C15orf40: variants seen among roughly 807,000 people sequenced by gnomAD.
C15orf40 encodes UPF0235 protein C15orf40.
In C15orf40, 9 loss-of-function variants were observed where a neutral mutation model predicts 13.9. The observed-to-expected ratio is 0.65, with a 90% CI of 0.39 to 1.13. The LOEUF (loss-of-function observed/expected upper bound fraction) is 1.13. Ranked by LOEUF, C15orf40 falls within the 50% of genes most tolerant of loss-of-function variation. The probability of loss-of-function intolerance (pLI) is 0.01; values close to 1 mark genes in which losing one functional copy is unlikely to be tolerated. For synonymous variants in C15orf40, 95 were observed against 69.2 expected (o/e 1.37, Z -1.85); for missense variants, 225 against 188.5 (o/e 1.19, Z -1.13).
chr15:83,004,675 T>C lies in C15orf40; in HGVS notation c.*922A>G, dbSNP rs1008548380. The C allele has an allele frequency of 4.3e-5, 39 of 912,094 alleles. No homozygotes were observed. The highest frequency in any genetic ancestry group is 4.9e-5 in the Non-Finnish European group (37 of 760,664). 56.5% of individuals were successfully genotyped at this position (912,094 alleles called of 1,614,324 possible). ...ATAATTCACATTTAATTACAAGTCA[T>C]GATTTTTCTTTACTTTTTCAACAAA... On this transcript the variant is annotated 3_prime_UTR_variant, in exon 4 of 4. Transcript: ENST00000304177.
Position 83,005,480 on chromosome 15 carries a change from C to T in C15orf40, c.*117G>A, listed in dbSNP as rs1025569022. 7 of 921,298 alleles carry T rather than the reference C, an allele frequency of 7.6e-6. No individual in the cohort carries two copies. The South Asian group carries it at 8.5e-5, about 11-fold the overall frequency. 57.1% of individuals were successfully genotyped at this position (921,298 alleles called of 1,614,324 possible). A position where few individuals can be genotyped will look rare whatever the true frequency, so the allele number is the denominator to read the frequency against. Reference sequence around the variant, plus strand: ...TGTATTTTTCGTAGAGATGGGGTTTCACCATGTTGGTCAGGCTGGTCTCGA... The same window carrying T: ...TGTATTTTTCGTAGAGATGGGGTTTTACCATGTTGGTCAGGCTGGTCTCGA... On this transcript the variant is annotated 3_prime_UTR_variant, in exon 4 of 4. Coordinates refer to ENST00000304177, the MANE Select transcript of C15orf40 (RefSeq NM_144597.3).
At chr15:82,994,611 G>A (rs1050899285), downstream of C15orf40, among the ~76,000 whole-genome samples, 10 of 152,080 alleles carry the variant, frequency 6.6e-5, no homozygotes, top group Admixed American at 6.6e-5. Flanking sequence ...TTAGTTAGCT[G>A]GAAATGTTAG....
rs1026220951 is a variant in C15orf40 at position 82,996,437 on chromosome 15, G to A, written c.*9160C>T. ...AGGCGGATCACGAGGTCAGGAGATC[G>A]AGACCATTCTGGCTAACACGGTGAA... On this transcript the variant is annotated 3_prime_UTR_variant, in exon 4 of 4. Transcript: ENST00000304177. The A allele has an allele frequency of 5.3e-5, 8 of 151,936 alleles. No individual in the cohort carries two copies. The highest frequency in any genetic ancestry group is 4.2e-4 in the South Asian group (2 of 4,802). The allele number at this position is 151,936 out of a possible 1,614,324, so 9.4% of individuals were successfully genotyped here.
At position 83,011,592 on chromosome 15, in the gene C15orf40, T is replaced by G. The variant is rs777862150; in HGVS notation, c.16A>C (p.Ser6Arg). 1.3e-6 allele frequency: 2 copies of G among 1,589,548 alleles called. No individual in the cohort carries two copies. The highest frequency in any genetic ancestry group is 1.4e-5 in the African/African-American group (1 of 73,908). Residue 6 changes from serine (S) to arginine (R), a missense_variant, in exon 1 of 4, where the codon AGC (serine) becomes CGC (arginine). Coordinates refer to ENST00000304177, the MANE Select transcript of C15orf40 (RefSeq NM_144597.3). ...GTTGCCCGAAGGTGCCTCAGCCCGC[T>G]GCGGAGCCGCAGCATCCCCGCCTGG... is the stretch of plus-strand genomic sequence containing the variant. MLRLR[S>R]GLRHLRATPN...
chr15:83,008,615 T>G lies in C15orf40; in HGVS notation c.299A>C (p.Asn100Thr). 1 of 1,614,014 alleles carries G rather than the reference T, an allele frequency of 6.2e-7. No individual in the cohort carries two copies. The highest frequency in any genetic ancestry group is 8.5e-7 in the Non-Finnish European group (1 of 1,179,964). Residue 100 changes from asparagine to threonine, a missense_variant, in exon 3 of 4, where the codon AAT (asparagine) becomes ACT (threonine). By Grantham distance (65) the Asn-to-Thr change is moderately conservative. Coordinates refer to ENST00000304177, the MANE Select transcript of C15orf40 (RefSeq NM_144597.3). Reference sequence around the variant, plus strand: ...GGAAAGATACCGACAGAGCTCAGCATTAGCCTCTCCCTCTGATGGAGGTGC... The same window carrying G: ...GGAAAGATACCGACAGAGCTCAGCAGTAGCCTCTCCCTCTGATGGAGGTGC... The part of the protein sequence containing the change: ...IAAPPSEGEA[N>T]AELCRYLSKV...
At chr15:82,991,568 G>A (rs930144995), downstream of C15orf40, among the ~76,000 whole-genome samples, 3 of 151,998 alleles carry the variant, frequency 2.0e-5, no homozygotes, top group Non-Finnish European at 2.9e-5. Context: ...GGGCATCTTC[G>A]TAAACCTATT....
Position 83,000,729 on chromosome 15 carries a change from T to C in C15orf40, c.*4868A>G, listed in dbSNP as rs1008303431. ...ATACTCTGCATTACAGCTAAAGAAC[T>C]ATGTAACCAAATCCCTGGAATCTAG... On this transcript the variant is annotated 3_prime_UTR_variant, in exon 4 of 4. Transcript: ENST00000304177. 1 of 152,222 alleles carries C rather than the reference T, an allele frequency of 6.6e-6. No individual in the cohort carries two copies. The highest frequency in any genetic ancestry group is 1.5e-5 in the Non-Finnish European group (1 of 68,050). 9.4% of individuals were successfully genotyped at this position (152,222 alleles called of 1,614,324 possible).
chr15:82,990,121 G>C, downstream of C15orf40: 1 of 804,272 alleles, frequency 1.2e-6, no homozygotes, highest in South Asian at 2.9e-5. Flanking sequence ...CATGAGAAAA[G>C]TTTGGGTGTC....
At position 82,997,889 on chromosome 15, in the gene C15orf40, T is replaced by A. The variant is rs1312435906; in HGVS notation, c.*7708A>T. ...GCGGCTGGCCGGGCAGAGGGGCTCC[T>A]CACTTCCCAGTAGGGGCGGCCGGGC... On this transcript the variant is annotated 3_prime_UTR_variant, in exon 4 of 4. Transcript: ENST00000304177. 4.1e-5 allele frequency: 4 copies of A among 97,848 alleles called. No homozygotes were observed. The highest frequency in any genetic ancestry group is 1.3e-4 in the African/African-American group (3 of 23,856). The allele number at this position is 97,848 out of a possible 1,614,324, so 6.1% of individuals were successfully genotyped here.
Position 83,011,579 on chromosome 15 carries a change from TGCCTCAGCCCGCTGCGGA to T in C15orf40, c.11_28del (p.Leu4_Arg9del), listed in dbSNP as rs375497525. On this transcript the variant is annotated inframe_deletion, in exon 1 of 4. Coordinates refer to ENST00000304177, the MANE Select transcript of C15orf40 (RefSeq NM_144597.3). ...CCGAGTATTGGGTGTTGCCCGAAGG[TGCCTCAGCCCGCTGCGGA>T]GCCGCAGCATCCCCGCCTGGGAAGG... 5.2e-4 allele frequency: 835 copies of T among 1,599,616 alleles called. 11 individuals carry two copies. The South Asian group carries it at 7.2e-3, about 14-fold the overall frequency.
intron 2 of C15orf40, among the ~76,000 whole-genome samples, 155 bp downstream of exon 2, chr15:83,010,082 T>C (rs1032638837): frequency 2.6e-5 from 4 of 152,244 alleles, no homozygotes; most frequent in African/African-American, 9.6e-5. Context: ...AAGACACCTT[T>C]ACATTAGAAT....
chr15:83,011,276 G>T, intron 1 of C15orf40: 1 of 480,910 alleles, frequency 2.1e-6, no homozygotes, highest in Non-Finnish European at 3.5e-6. Flanking sequence ...CGGGCCCAGC[G>T]CTCAGAAATC....
downstream of C15orf40, chr15:82,990,797 ACT>A (rs1300635713): frequency 2.6e-5 from 17 of 641,750 alleles, no homozygotes; most frequent in Middle Eastern, 2.5e-4. Flanking sequence ...AGAAAGTTTA[ACT>A]CTGTACTGTT....
rs1596403689 is a variant in C15orf40 at position 83,000,391 on chromosome 15, A to T, written c.*5206T>A. 6.6e-6 allele frequency: 1 copy of T among 152,296 alleles called. No individual in the cohort carries two copies. Among genetic ancestry groups the T allele is most frequent in the East Asian group, 1.9e-4 (1 of 5,172 alleles). The allele number at this position is 152,296 out of a possible 1,614,324, so 9.4% of individuals were successfully genotyped here. A position where few individuals can be genotyped will look rare whatever the true frequency, so the allele number is the denominator to read the frequency against. ...GACTCCACCATGGCAATGGGCTGAG[A>T]CTCTCACGAACCCAGCTGGCCCCAA... On this transcript the variant is annotated 3_prime_UTR_variant, in exon 4 of 4. Transcript: ENST00000304177.
At chr15:83,005,719 TTACTG>T (rs752561875) in intron 3 of C15orf40, 27 bp from the exon 4 acceptor site, 8 of 1,606,300 alleles carry the variant, frequency 5.0e-6, no homozygotes, top group Non-Finnish European at 5.9e-6. Flanking sequence ...AAAGCATACT[TTACTG>T]TTTAGCACAT....
In C15orf40 at chr15:83,001,394, G is replaced by T; in HGVS notation, c.*4203C>A. ...ATTTATTAAGGTGCGGGTGATAGATGACAGATGCAGTGCTAGAACATCATA... is the reference window on the plus strand; with the variant it reads ...ATTTATTAAGGTGCGGGTGATAGATTACAGATGCAGTGCTAGAACATCATA... On this transcript the variant is annotated 3_prime_UTR_variant, in exon 4 of 4. Transcript: ENST00000304177. 1 of 659,680 alleles carries T rather than the reference G, an allele frequency of 1.5e-6. No homozygotes were observed. The highest frequency in any genetic ancestry group is 1.9e-5 in the African/African-American group (1 of 51,292). The allele number at this position is 659,680 out of a possible 1,614,324, so 40.9% of individuals were successfully genotyped here. A position where few individuals can be genotyped will look rare whatever the true frequency, so the allele number is the denominator to read the frequency against.
Position 83,011,621 on chromosome 15 carries a change from G to A in C15orf40, c.-14C>T. 1.9e-6 allele frequency: 3 copies of A among 1,558,828 alleles called. No homozygotes were observed. Among genetic ancestry groups the A allele is most frequent in the Non-Finnish European group, 1.7e-6 (2 of 1,157,120 alleles). On this transcript the variant is annotated 5_prime_UTR_variant, in exon 1 of 4. Coordinates refer to ENST00000304177, the MANE Select transcript of C15orf40 (RefSeq NM_144597.3). ...GAGCCGCAGCATCCCCGCCTGGGAA[G>A]GCGCCGGAAGAGCCCTCTGCGCTTG...
At position 82,999,316 on chromosome 15, in the gene C15orf40, G is replaced by A. The variant is rs191347348; in HGVS notation, c.*6281C>T. Reference sequence around the variant, plus strand: ...CAAGTGATCCTCCTGCCTCAGCCTCGCAAGTAGCTGAGACTACAGGCACAC... The same window carrying A: ...CAAGTGATCCTCCTGCCTCAGCCTCACAAGTAGCTGAGACTACAGGCACAC... On this transcript the variant is annotated 3_prime_UTR_variant, in exon 4 of 4. Transcript: ENST00000304177. 1,646 of 151,982 alleles carry A rather than the reference G, an allele frequency of 0.011. 9 individuals carry two copies. Among genetic ancestry groups the A allele is most frequent in the Non-Finnish European group, 0.017 (1,125 of 68,070 alleles). 9.4% of individuals were successfully genotyped at this position (151,982 alleles called of 1,614,324 possible). A position where few individuals can be genotyped will look rare whatever the true frequency, so the allele number is the denominator to read the frequency against.
At chr15:82,989,459 T>C (rs531861007), downstream of C15orf40, among the ~76,000 whole-genome samples, 1 of 152,386 alleles carries the variant, frequency 6.6e-6, no homozygotes, top group Admixed American at 6.5e-5. Flanking sequence ...AAATCTACTT[T>C]AAAAACCTAG....
Sources: gnomAD v4.1 joint callset for allele counts (sites outside exome capture counted in the v4.1 genomes callset) on GRCh38, gnomAD v4.1.1 for gene constraint, MANE v1.5 for transcripts, NCBI Gene and HGNC (gene_info 2026-07-23, HGNC 2026-07-21) for gene names.